The following FNDC8 variants were observed in gnomAD, a reference collection of about 807,000 sequenced individuals.
FNDC8 encodes the protein fibronectin type III domain containing 8.
FNDC8 carries 23 observed loss-of-function variants against 24.8 expected under a neutral mutation model. The observed-to-expected ratio is 0.93, with a 90% CI of 0.67 to 1.31. The LOEUF is 1.31. Among genes scored for constraint, FNDC8 ranks in the 40% most tolerant of loss-of-function variants. The pLI is 0.00. For synonymous variants in FNDC8, 158 were observed against 165.3 expected, an observed-to-expected ratio of 0.96 and a Z score of 0.34; for missense variants, 371 against 398.2, an observed-to-expected ratio of 0.93 and a Z score of 0.58.
chr17:35,128,423 CAG>C (rs1221983917), intron 2 of FNDC8, among the ~76,000 whole-genome samples: 2 of 152,228 alleles, frequency 1.3e-5, no homozygotes, highest in South Asian at 4.1e-4. Flanking sequence ...GAGGAGAAAC[CAG>C]ACAGGAGGCA....
rs2091868007 is a variant in FNDC8 at position 35,130,199 on chromosome 17, A to G, written c.823-83A>G. On this transcript the variant is annotated intron_variant, in intron 3 of 3. Transcript: ENST00000158009. ...TTTAAGGTCTGAGTCAGCAGACAGA[A>G]AAAAAAGGGGTGATAGAGACAGAGA... is the stretch of plus-strand genomic sequence containing the variant. The G allele has an allele frequency of 9.1e-6, 14 of 1,539,016 alleles. No individual in the cohort carries two copies. In the East Asian group the frequency reaches 3.2e-4, roughly 35 times the overall value.
Position 35,127,335 on chromosome 17 carries a change from C to A in FNDC8, c.503C>A (p.Thr168Lys), listed in dbSNP as rs763293774. 1 of 1,610,754 alleles carries A rather than the reference C, an allele frequency of 6.2e-7. No homozygotes were observed. The highest frequency in any genetic ancestry group is 8.5e-7 in the Non-Finnish European group (1 of 1,178,656). Residue 168 changes from threonine to lysine, a missense_variant, in exon 2 of 4, where the codon ACG becomes AAG. Physicochemically the swap from Thr to Lys is moderately conservative, Grantham distance 78. Coordinates refer to ENST00000158009, the MANE Select transcript of FNDC8 (RefSeq NM_017559.4). ...NPELETETSS[T>K]HSESSVVVDL... ...GAGCTGGAGACAGAAACCTCCTCAACGCACTCAGAATCTTCTGTGGTTGTG... is the reference window on the plus strand; with the variant it reads ...GAGCTGGAGACAGAAACCTCCTCAAAGCACTCAGAATCTTCTGTGGTTGTG...
intron 2 of FNDC8, 112 bp downstream of exon 2, chr17:35,127,529 C>A (rs772770150): frequency 3.1e-6 from 4 of 1,289,058 alleles, no homozygotes; most frequent in African/African-American, 1.5e-5. Flanking sequence ...CTCAAGTTCA[C>A]GGTTTAGGAA....
At chr17:35,126,818 C>T (rs1191838118) in intron 1 of FNDC8, among the ~76,000 whole-genome samples, 1 of 152,090 alleles carries the variant, frequency 6.6e-6, no homozygotes, top group Non-Finnish European at 1.5e-5. Flanking sequence ...ATTAAAGATG[C>T]GGATTCTCTA....
At position 35,130,499 on chromosome 17, in the gene FNDC8, A is replaced by G; in HGVS notation, c.*65A>G. 1 of 1,535,498 alleles carries G rather than the reference A, an allele frequency of 6.5e-7. No individual in the cohort carries two copies. The highest frequency in any genetic ancestry group is 8.9e-7 in the Non-Finnish European group (1 of 1,127,556). ...TCAACCCCAGGCCCTCAGAAACCAG[A>G]GCCATGAGACCTACCATACCACCAG... On this transcript the variant is annotated 3_prime_UTR_variant, in exon 4 of 4. Coordinates refer to ENST00000158009, the MANE Select transcript of FNDC8 (RefSeq NM_017559.4).
At chr17:35,121,988 T>TCCCTTCCTTCCTTCCTTCC in intron 1 of FNDC8, 86 bp downstream of exon 1, 5 of 13,656 alleles carry the variant, frequency 3.7e-4, no homozygotes, top group South Asian at 0.01. Context: ...CCTTCCTTCC[T>TCCCTTCCTTCCTTCCTTCC]TTTTTTTTTT....
chr17:35,122,886 A>G lies in FNDC8; in HGVS notation c.209+984A>G, dbSNP rs2091835373. Among the ~76,000 whole-genome samples, 4 of 152,224 alleles carry G rather than the reference A, an allele frequency of 2.6e-5. No homozygotes were observed. In the South Asian group the frequency reaches 8.3e-4, roughly 31 times the overall value. On this transcript the variant is annotated intron_variant, in intron 1 of 3. Transcript: ENST00000158009. ...GGGGTGAAAGGATGGGGATCATGCAATAACCAGAATGATATAGCATGGTCT... is the reference window on the plus strand; with the variant it reads ...GGGGTGAAAGGATGGGGATCATGCAGTAACCAGAATGATATAGCATGGTCT...
In FNDC8 at chr17:35,130,517, AC is replaced by A; in HGVS notation, c.*85del. On this transcript the variant is annotated 3_prime_UTR_variant, in exon 4 of 4. Coordinates refer to ENST00000158009, the MANE Select transcript of FNDC8 (RefSeq NM_017559.4). ...AAACCAGAGCCATGAGACCTACCAT[AC>A]CACCAGCACCCTGCGGGCCCGGGGT... is the stretch of plus-strand genomic sequence containing the variant. 7.1e-7 allele frequency: 1 copy of A among 1,415,458 alleles called. No homozygotes were observed. Among genetic ancestry groups the A allele is most frequent in the Non-Finnish European group, 9.7e-7 (1 of 1,035,492 alleles). The allele number at this position is 1,415,458 out of a possible 1,614,324, so 87.7% of individuals were successfully genotyped here.
At chr17:35,124,302 G>A (rs1567739312) in intron 1 of FNDC8, among the ~76,000 whole-genome samples, 1 of 152,128 alleles carries the variant, frequency 6.6e-6, no homozygotes, top group Non-Finnish European at 1.5e-5. Context: ...GGCCAAGGCG[G>A]GCAGACCACG....
At chr17:35,126,138 T>C (rs1178098300) in intron 1 of FNDC8, among the ~76,000 whole-genome samples, 1 of 152,230 alleles carries the variant, frequency 6.6e-6, no homozygotes, top group East Asian at 1.9e-4. Context: ...GCCAGGCTGG[T>C]CTTGAACTCC....
intron 2 of FNDC8, chr17:35,129,214 G>A: frequency 1.6e-6 from 1 of 630,884 alleles, no homozygotes; most frequent in African/African-American, 1.8e-5. Context: ...ACCCTAAAGT[G>A]GGTGGGGCTG....
chr17:35,123,349 T>C (rs1310093080), intron 1 of FNDC8, among the ~76,000 whole-genome samples: 1 of 152,098 alleles, frequency 6.6e-6, no homozygotes, highest in Non-Finnish European at 1.5e-5. Flanking sequence ...TGGATGCTCG[T>C]AGGAAACTTC....
intron 1 of FNDC8, among the ~76,000 whole-genome samples, chr17:35,124,534 A>T (rs2091841714): frequency 6.6e-6 from 1 of 152,060 alleles, no homozygotes; most frequent in African/African-American, 2.4e-5. Context: ...CTCAAAAATA[A>T]ATAAATAAAT....
intron 1 of FNDC8, among the ~76,000 whole-genome samples, chr17:35,124,326 G>A (rs188068593): frequency 1.3e-4 from 20 of 152,074 alleles, no homozygotes; most frequent in Admixed American, 1.2e-3. Flanking sequence ...TCAAGAGATC[G>A]AGACCATCCT....
chr17:35,129,909 C>T, intron 3 of FNDC8: 2 of 1,393,830 alleles, frequency 1.4e-6, no homozygotes, highest in East Asian at 5.4e-5. Context: ...CCTTCCAAAG[C>T]CATTGGTTTT....
In FNDC8 at chr17:35,121,655, T is replaced by TGTC; in HGVS notation, c.-38_-36dup. 2 of 1,602,388 alleles carry TGTC rather than the reference T, an allele frequency of 1.2e-6. No individual in the cohort carries two copies. Among genetic ancestry groups the TGTC allele is most frequent in the Non-Finnish European group, 1.7e-6 (2 of 1,169,878 alleles). On this transcript the variant is annotated 5_prime_UTR_variant, in exon 1 of 4. Transcript: ENST00000158009. ...TCTCTCTGCTTCTGGTCAGCTGGGT[T>TGTC]GTCCTGCATGGTGACGGGTGTCATC...
At position 35,129,486 on chromosome 17, in the gene FNDC8, T is replaced by C; in HGVS notation, c.650T>C (p.Val217Ala). Residue 217 changes from valine to alanine, a missense_variant, in exon 3 of 4, where the codon GTG becomes GCG. Coordinates refer to ENST00000158009, the MANE Select transcript of FNDC8 (RefSeq NM_017559.4). ...VSFYQLLLQE[V>A]AKTQENELPE... is the part of the protein sequence containing the mutation. ...TTCTACCAGCTCCTGTTACAGGAGG[T>C]GGCCAAGACACAGGAGAATGAGTTG... 6.2e-7 allele frequency: 1 copy of C among 1,614,104 alleles called. No homozygotes were observed. The highest frequency in any genetic ancestry group is 8.5e-7 in the Non-Finnish European group (1 of 1,180,028).
intron 3 of FNDC8, 85 bp from the exon 4 acceptor site, chr17:35,130,197 G>GA (rs200623536): frequency 5.2e-5 from 80 of 1,533,294 alleles, no homozygotes; most frequent in African/African-American, 5.0e-4. Context: ...TCAGCAGACA[G>GA]AAAAAAAAGG....
intron 1 of FNDC8, among the ~76,000 whole-genome samples, chr17:35,122,186 ATATATATATATATATATATAT>A (rs1204237896): frequency 0.033 from 833 of 25,288 alleles, 90 homozygotes; most frequent in African/African-American, 0.079. Flanking sequence ...ATATATATAT[ATATATATATATATATATATAT>A]AAATTTTTTT....
Sources: gnomAD v4.1 joint callset for allele counts (sites outside exome capture counted in the v4.1 genomes callset) on GRCh38, gnomAD v4.1.1 for gene constraint, MANE v1.5 for transcripts, NCBI Gene and HGNC (gene_info 2026-07-23, HGNC 2026-07-21) for gene names.